The following BMPR1B variants were observed in gnomAD, a reference collection of about 807,000 sequenced individuals.
The protein encoded by BMPR1B is bone morphogenetic protein receptor type 1B, also known as bone morphogenetic protein receptor type-1B.
Under a neutral mutation model 59.1 loss-of-function variants are expected in BMPR1B, and 12 were observed. The ratio of observed to expected loss-of-function variants is 0.20; its 90% CI spans 0.13 to 0.33. BMPR1B has a LOEUF of 0.33. BMPR1B is among the 10% of genes least tolerant of loss of function. The pLI is 1.00. For missense variants in BMPR1B, 550 were observed against 610.9 expected, an observed-to-expected ratio of 0.90 and a Z score of 1.05; for synonymous variants, 237 against 207.3, an observed-to-expected ratio of 1.14 and a Z score of -1.23.
intron 3 of BMPR1B, among the ~76,000 whole-genome samples, chr4:95,100,701 C>CT (rs1440320950): frequency 6.6e-6 from 1 of 152,110 alleles, no homozygotes; most frequent in Non-Finnish European, 1.5e-5. Context: ...GATTCATGCT[C>CT]TAAGTTACTT....
At chr4:95,148,130 C>T (rs1734775597) in intron 10 of BMPR1B, among the ~76,000 whole-genome samples, 1 of 152,116 alleles carries the variant, frequency 6.6e-6, no homozygotes, top group Non-Finnish European at 1.5e-5. Flanking sequence ...CAGAGTAAAA[C>T]AATTGCATGT....
intron 1 of BMPR1B, among the ~76,000 whole-genome samples, chr4:94,811,280 A>G (rs539137169): frequency 6.6e-6 from 1 of 152,290 alleles, no homozygotes; most frequent in African/African-American, 2.4e-5. Flanking sequence ...ACCATCTTTC[A>G]TGTATGGCTT....
At position 95,091,103 on chromosome 4, in the gene BMPR1B, T is replaced by C. The variant is rs139845074; in HGVS notation, c.-17-13305T>C. ...TAGCATTCTGAATGTCAAAGGATAT[T>C]ATAAAGATAGATTTCTAGATATTTA... is the stretch of plus-strand genomic sequence containing the variant. On this transcript the variant is annotated intron_variant, in intron 3 of 12. Coordinates refer to ENST00000515059, the MANE Select transcript of BMPR1B (RefSeq NM_001203.3). Among the ~76,000 whole-genome samples the C allele has an allele frequency of 1.0e-3, 156 of 152,248 alleles. 2 individuals are homozygous for C. Among genetic ancestry groups the C allele is most frequent in the East Asian group, 1.4e-3 (7 of 5,184 alleles).
chr4:95,068,170 T>C (rs887346741), intron 3 of BMPR1B, among the ~76,000 whole-genome samples: 9 of 152,192 alleles, frequency 5.9e-5, no homozygotes, highest in African/African-American at 2.2e-4. Context: ...ACATGTTTTT[T>C]TCCTGTGGGT....
chr4:95,120,953 C>T (rs537996022), intron 6 of BMPR1B, among the ~76,000 whole-genome samples: 53 of 152,206 alleles, frequency 3.5e-4, no homozygotes, highest in African/African-American at 1.1e-3. Flanking sequence ...GGATTACAGG[C>T]GTGTGCCATC....
chr4:95,114,894 C>A, intron 5 of BMPR1B, 72 bp downstream of exon 5: 2 of 1,420,854 alleles, frequency 1.4e-6, no homozygotes, highest in Non-Finnish European at 2.0e-6. Flanking sequence ...AAGATAAAAC[C>A]ATTCTTTTTC....
intron 2 of BMPR1B, among the ~76,000 whole-genome samples, chr4:94,938,521 T>A (rs1041757744): frequency 6.6e-6 from 1 of 152,072 alleles, no homozygotes; most frequent in African/African-American, 2.4e-5. Context: ...ATACTCCGTT[T>A]TTGGTCCAGA....
At chr4:94,894,634 G>A (rs1047872598) in intron 2 of BMPR1B, among the ~76,000 whole-genome samples, 1 of 151,958 alleles carries the variant, frequency 6.6e-6, no homozygotes, top group Admixed American at 6.6e-5. Flanking sequence ...CAATAGAACG[G>A]TTTAAAAGAT....
chr4:95,135,656 C>T (rs569734883), intron 10 of BMPR1B, among the ~76,000 whole-genome samples: 6 of 152,272 alleles, frequency 3.9e-5, no homozygotes, highest in Admixed American at 2.0e-4. Flanking sequence ...TGATTTGGCT[C>T]TCTGTTTGTC....
chr4:95,012,972 C>G (rs1578926365), intron 3 of BMPR1B, among the ~76,000 whole-genome samples: 1 of 151,838 alleles, frequency 6.6e-6, no homozygotes, highest in East Asian at 1.9e-4. Context: ...TAAGAGAGTT[C>G]CTGAGAGACT....
chr4:94,763,301 A>G (rs939081910), intron 1 of BMPR1B, among the ~76,000 whole-genome samples: 1 of 152,216 alleles, frequency 6.6e-6, no homozygotes, highest in African/African-American at 2.4e-5. Context: ...AATTCATTAT[A>G]AAGTCTGCAT....
chr4:95,106,741 G>T (rs1408501916), intron 4 of BMPR1B, among the ~76,000 whole-genome samples: 1 of 151,942 alleles, frequency 6.6e-6, no homozygotes, highest in East Asian at 1.9e-4. Flanking sequence ...GTCAAAATGT[G>T]CATAGCATTA....
chr4:95,064,078 T>G (rs1727616805), intron 3 of BMPR1B, among the ~76,000 whole-genome samples: 1 of 152,140 alleles, frequency 6.6e-6, no homozygotes. Context: ...GTGATATATA[T>G]CATTTATAGG....
intron 1 of BMPR1B, among the ~76,000 whole-genome samples, chr4:94,826,126 A>C (rs544407713): frequency 1.3e-5 from 2 of 152,350 alleles, no homozygotes; most frequent in Admixed American, 1.3e-4. Context: ...CAATAGATAA[A>C]TTGACAGAAT....
chr4:95,120,436 G>T (rs183426486), intron 6 of BMPR1B, among the ~76,000 whole-genome samples: 2 of 152,210 alleles, frequency 1.3e-5, no homozygotes, highest in East Asian at 3.9e-4. Context: ...ACCAGAGAAA[G>T]AAATAAAAGG....
chr4:95,044,555 G>T (rs1725894901), intron 3 of BMPR1B, among the ~76,000 whole-genome samples: 1 of 152,190 alleles, frequency 6.6e-6, no homozygotes, highest in South Asian at 2.1e-4. Context: ...TAGACAAGTT[G>T]TGGGATATTT....
intron 1 of BMPR1B, among the ~76,000 whole-genome samples, chr4:94,786,549 A>G (rs550804543): frequency 6.6e-6 from 1 of 151,646 alleles, no homozygotes; most frequent in Non-Finnish European, 1.5e-5. Context: ...TTATTTATTT[A>G]TTTTTTTGAG....
chr4:94,914,958 G>A (rs528135940), intron 2 of BMPR1B, among the ~76,000 whole-genome samples: 57 of 152,178 alleles, frequency 3.7e-4, no homozygotes, highest in East Asian at 7.8e-4. Flanking sequence ...TTGTTATGGT[G>A]CATAATAAAG....
At chr4:94,836,126 A>AT (rs1724807999) in intron 1 of BMPR1B, among the ~76,000 whole-genome samples, 1 of 148,430 alleles carries the variant, frequency 6.7e-6, no homozygotes, top group African/African-American at 2.5e-5. Context: ...TCCATGGTGT[A>AT]TATGTGCCAC....
Sources: gnomAD v4.1 joint callset for allele counts (sites outside exome capture counted in the v4.1 genomes callset) on GRCh38, gnomAD v4.1.1 for gene constraint, MANE v1.5 for transcripts, NCBI Gene and HGNC (gene_info 2026-07-23, HGNC 2026-07-21) for gene names.